GSG1L: variants seen among roughly 807,000 people sequenced by gnomAD.
GSG1L encodes GSG1 like.
In GSG1L, 24 loss-of-function variants were observed where a neutral mutation model predicts 42.1. That is an observed-to-expected ratio of 0.57 (90% CI 0.41 to 0.80). The LOEUF is 0.80. Ranked by LOEUF, GSG1L falls within the 30% of genes least tolerant of loss-of-function variation. The pLI, the probability that GSG1L is intolerant of heterozygous loss-of-function variation, is 0.00. For synonymous variants in GSG1L, 215 were observed against 203.5 expected, an observed-to-expected ratio of 1.06 and a Z score of -0.48; for missense variants, 445 against 472.2, an observed-to-expected ratio of 0.94 and a Z score of 0.53.
chr16:27,931,379 A>G (rs1197948705), intron 2 of GSG1L, among the ~76,000 whole-genome samples: 1 of 152,108 alleles, frequency 6.6e-6, no homozygotes, highest in Non-Finnish European at 1.5e-5. Context: ...TCCCAGCCCC[A>G]CTGGCCTTTC....
At chr16:27,984,393 T>C (rs916607132) in intron 1 of GSG1L, among the ~76,000 whole-genome samples, 1 of 152,096 alleles carries the variant, frequency 6.6e-6, no homozygotes, top group African/African-American at 2.4e-5. Context: ...TGTGGAGTGG[T>C]GTGGCTCATC....
intron 2 of GSG1L, among the ~76,000 whole-genome samples, chr16:27,962,117 G>A (rs2085079135): frequency 6.6e-6 from 1 of 152,312 alleles, no homozygotes; most frequent in Middle Eastern, 3.4e-3. Flanking sequence ...AGGGTAGGCA[G>A]GTGGGGAGGC....
At chr16:27,904,562 T>C (rs1181329468) in intron 2 of GSG1L, among the ~76,000 whole-genome samples, 2 of 152,144 alleles carry the variant, frequency 1.3e-5, no homozygotes, top group African/African-American at 4.8e-5. Context: ...TAAATCCCTC[T>C]AATGTTCCAA....
At chr16:27,989,959 C>T (rs183191375) in intron 1 of GSG1L, among the ~76,000 whole-genome samples, 52 of 152,114 alleles carry the variant, frequency 3.4e-4, no homozygotes, top group African/African-American at 1.2e-3. Context: ...GTGGTGTCTT[C>T]GAGGAAATTC....
chr16:27,808,984 G>A (rs1013423982), intron 5 of GSG1L, among the ~76,000 whole-genome samples: 1 of 152,158 alleles, frequency 6.6e-6, no homozygotes, highest in Non-Finnish European at 1.5e-5. Context: ...AACCGGTGGG[G>A]TCATGTTCCC....
rs111334553 is a variant in GSG1L, at chr16:28,055,478, ATT to A, written c.349+7596_349+7597del. Reference sequence around the variant, plus strand: ...ACTCCCCCTTTTATTATTTTTTTTAATTTTTTTTTTTAAGACGGAGTCTTGCT... The same window carrying A: ...ACTCCCCCTTTTATTATTTTTTTTAATTTTTTTTTAAGACGGAGTCTTGCT... On this transcript the variant is annotated intron_variant, in intron 1 of 6. Transcript: ENST00000447459. Among the ~76,000 whole-genome samples the A allele has an allele frequency of 9.1e-4, 132 of 145,426 alleles. 1 individual carries two copies. Among genetic ancestry groups the A allele is most frequent in the African/African-American group, 3.1e-3 (121 of 38,986 alleles).
At chr16:28,052,857 G>A (rs1008923425) in intron 1 of GSG1L, among the ~76,000 whole-genome samples, 8 of 152,228 alleles carry the variant, frequency 5.3e-5, no homozygotes, top group Admixed American at 3.3e-4. Flanking sequence ...TCCACCAAGC[G>A]GAGACAGTGA....
chr16:28,010,149 T>C lies in GSG1L; in HGVS notation c.350-46946A>G, dbSNP rs975389174. Among the ~76,000 whole-genome samples, 6 of 152,228 alleles carry C rather than the reference T, an allele frequency of 3.9e-5. No individual in the cohort carries two copies. The East Asian group carries it at 5.8e-4, about 15-fold the overall frequency. On this transcript the variant is annotated intron_variant, in intron 1 of 6. Transcript: ENST00000447459. The stretch of plus-strand genomic sequence containing the variant: ...GTAGAAGGAAGAGGGGCCAGGAGGA[T>C]GCCAGATGCACCGTGTCACCTGCAC...
At chr16:28,055,502 T>C (rs575054102) in intron 1 of GSG1L, among the ~76,000 whole-genome samples, 132 of 151,858 alleles carry the variant, frequency 8.7e-4, no homozygotes, top group Non-Finnish European at 1.5e-3. Context: ...GACGGAGTCT[T>C]GCTCTGTCCC....
intron 1 of GSG1L, among the ~76,000 whole-genome samples, chr16:27,978,819 A>C (rs1468176343): frequency 6.6e-6 from 1 of 150,556 alleles, no homozygotes; most frequent in African/African-American, 2.5e-5. Context: ...GTTGTTTGCT[A>C]TTAAGGTTGA....
chr16:27,919,872 GCTT>G (rs555386322), intron 2 of GSG1L, among the ~76,000 whole-genome samples: 115 of 152,334 alleles, frequency 7.5e-4, no homozygotes, highest in Non-Finnish European at 1.5e-3. Flanking sequence ...ATCTTTCAAT[GCTT>G]ATTTATCATC....
intron 2 of GSG1L, among the ~76,000 whole-genome samples, chr16:27,913,738 T>C (rs528240580): frequency 9.9e-5 from 15 of 152,250 alleles, no homozygotes; most frequent in Admixed American, 9.1e-4. Flanking sequence ...CCAAAGCCAG[T>C]ATTTACTATC....
intron 1 of GSG1L, among the ~76,000 whole-genome samples, chr16:28,043,945 C>T (rs1014434007): frequency 6.6e-6 from 1 of 150,586 alleles, no homozygotes; most frequent in Non-Finnish European, 1.5e-5. Flanking sequence ...TCGCTTGAGC[C>T]CAGGAAGTCA....
intron 1 of GSG1L, among the ~76,000 whole-genome samples, chr16:28,042,568 C>T (rs1041734554): frequency 2.0e-5 from 3 of 151,900 alleles, no homozygotes; most frequent in Non-Finnish European, 4.4e-5. Context: ...AGGTGAAAGG[C>T]GAGAAGTATC....
chr16:27,955,924 GGAAAGAAGGAAGGA>G (rs1567533937), intron 2 of GSG1L, among the ~76,000 whole-genome samples: 1 of 137,888 alleles, frequency 7.3e-6, no homozygotes, highest in African/African-American at 3.3e-5. Flanking sequence ...AAGGAAGGAA[GGAAAGAAGGAAGGA>G]AGGAAGGGAG....
At chr16:28,011,297 C>A (rs1004539928) in intron 1 of GSG1L, among the ~76,000 whole-genome samples, 1 of 152,210 alleles carries the variant, frequency 6.6e-6, no homozygotes, top group African/African-American at 2.4e-5. Flanking sequence ...GCCTCCCAGC[C>A]CAGCCGCCTG....
At chr16:27,956,929 TCA>T (rs2085012584) in intron 2 of GSG1L, among the ~76,000 whole-genome samples, 1 of 152,222 alleles carries the variant, frequency 6.6e-6, no homozygotes, top group African/African-American at 2.4e-5. Flanking sequence ...ATCCTGTGGG[TCA>T]CAGTTATTTG....
intron 5 of GSG1L, chr16:27,823,792 AGCCTGAGAGG>A: frequency 1.4e-6 from 1 of 697,604 alleles, no homozygotes; most frequent in South Asian, 1.5e-5. Flanking sequence ...TAATTGATCA[AGCCTGAGAGG>A]CCACACAGCA....
chr16:27,922,944 T>A (rs2084543593), intron 2 of GSG1L, among the ~76,000 whole-genome samples: 1 of 152,122 alleles, frequency 6.6e-6, no homozygotes, highest in South Asian at 2.1e-4. Context: ...CCCGCCACCA[T>A]GCCCGGCTAA....
Sources: gnomAD v4.1 joint callset for allele counts (sites outside exome capture counted in the v4.1 genomes callset) on GRCh38, gnomAD v4.1.1 for gene constraint, MANE v1.5 for transcripts, NCBI Gene and HGNC (gene_info 2026-07-23, HGNC 2026-07-21) for gene names.